The following CEP164 variants were observed in gnomAD, a reference collection of about 807,000 sequenced individuals.
The protein encoded by CEP164 is centrosomal protein 164.
In CEP164, 162 loss-of-function variants were observed where a neutral mutation model predicts 182.7. The ratio of observed to expected loss-of-function variants is 0.89; its 90% CI spans 0.78 to 1.01. CEP164 has a LOEUF of 1.01. Ranked by LOEUF, CEP164 falls within the 50% of genes least tolerant of loss-of-function variation. The pLI is 0.00. For synonymous variants in CEP164, 661 were observed against 690.0 expected, an observed-to-expected ratio of 0.96 and a Z score of 0.66; for missense variants, 1,735 against 1,790.4, an observed-to-expected ratio of 0.97 and a Z score of 0.56.
Position 117,356,363 on chromosome 11 carries a change from GCTGAGTCTT to G in CEP164, c.393+4378_393+4386del, listed in dbSNP as rs144720852. ...CGCCAGCACAGTCTGTTGCATGGCAGCTGAGTCTTCTAGGATGTCTAGTGAGGGTGAGCA... is the reference window on the plus strand; with the variant it reads ...CGCCAGCACAGTCTGTTGCATGGCAGCTAGGATGTCTAGTGAGGGTGAGCA... On this transcript the variant is annotated intron_variant, in intron 5 of 32. Transcript: ENST00000278935. 714 of 1,170,236 alleles carry G rather than the reference GCTGAGTCTT, an allele frequency of 6.1e-4. 7 individuals are homozygous for G. In the African/African-American group the frequency reaches 0.011, roughly 18 times the overall value. 72.5% of individuals were successfully genotyped at this position (1,170,236 alleles called of 1,614,324 possible).
chr11:117,411,096 C>A lies in CEP164; in HGVS notation c.4163+202C>A. 1.8e-6 allele frequency: 1 copy of A among 561,702 alleles called. No individual in the cohort carries two copies. The highest frequency in any genetic ancestry group is 2.1e-5 in the South Asian group (1 of 47,130). The allele number at this position is 561,702 out of a possible 1,614,324, so 34.8% of individuals were successfully genotyped here. ...TGACCAGGGGAAAGTCAAGTTCACA[C>A]CGCCAAGGTCCCAGTGGGGAAGGGC... On this transcript the variant is annotated intron_variant, in intron 31 of 32. Coordinates refer to ENST00000278935, the MANE Select transcript of CEP164 (RefSeq NM_014956.5). This position sits in a 1 kb window ranked among gnomAD's most constrained non-coding sequence, Gnocchi z 4.4.
chr11:117,356,893 A>G (rs989024581), intron 5 of CEP164, among the ~76,000 whole-genome samples: 6 of 152,142 alleles, frequency 3.9e-5, no homozygotes, highest in African/African-American at 1.2e-4. Context: ...TGCTTTGAAC[A>G]TGATCAGTTT....
chr11:117,363,822 A>G (rs1592173909), intron 8 of CEP164: 1 of 170,460 alleles, frequency 5.9e-6, no homozygotes, highest in Non-Finnish European at 1.1e-5. Flanking sequence ...CCCAGCTTGG[A>G]GTACAGTGGT....
chr11:117,404,099 T>C (rs1234597290), intron 27 of CEP164, among the ~76,000 whole-genome samples: 1 of 152,126 alleles, frequency 6.6e-6, no homozygotes, highest in Non-Finnish European at 1.5e-5. Flanking sequence ...GGTTAGAACA[T>C]GCACCTTTAG....
intron 3 of CEP164, among the ~76,000 whole-genome samples, chr11:117,339,631 C>A (rs143166127): frequency 7.1e-6 from 1 of 141,270 alleles, no homozygotes; most frequent in African/African-American, 2.6e-5. Flanking sequence ...CGGGTTCAAG[C>A]GAATCTCATG....
At chr11:117,355,102 G>A (rs781359674) in intron 5 of CEP164, 3 of 1,289,800 alleles carry the variant, frequency 2.3e-6, no homozygotes, top group Middle Eastern at 2.1e-4. Context: ...ACACTCCCTG[G>A]CGTTTCATGG....
intron 14 of CEP164, chr11:117,384,909 T>TTCG (rs1357192081): frequency 2.0e-5 from 3 of 152,374 alleles, no homozygotes; most frequent in African/African-American, 2.4e-5. Context: ...GGAGGCAACA[T>TTCG]GTGCCACTCA....
chr11:117,411,907 G>T lies in CEP164; in HGVS notation c.4276G>T (p.Asp1426Tyr). 1.2e-6 allele frequency: 2 copies of T among 1,614,104 alleles called. No homozygotes were observed. Among genetic ancestry groups the T allele is most frequent in the South Asian group, 2.2e-5 (2 of 91,022 alleles). ...NRRWLERVKN[D>Y]PRLPLFSSTP... ...GAGGTGGCTGGAACGTGTCAAGAAT[G>T]ACCCCAGGTTGTATCCTTTTACCTG... is the stretch of plus-strand genomic sequence containing the variant. The change falls in exon 32 of 33, where the codon GAC becomes TAC. Residue 1426 changes from aspartate to tyrosine, a missense_variant. By Grantham distance (160) the Asp-to-Tyr change is radical (BLOSUM62 -3). Transcript: ENST00000278935. This position sits in a 1 kb window ranked among gnomAD's most constrained non-coding sequence, Gnocchi z 4.4.
At chr11:117,352,439 A>G (rs1007771948) in intron 5 of CEP164, among the ~76,000 whole-genome samples, 9 of 152,080 alleles carry the variant, frequency 5.9e-5, no homozygotes, top group African/African-American at 9.7e-5. Context: ...GAATTCCTAG[A>G]TGTCAGATGT....
At chr11:117,333,746 C>T (rs1331199734) in intron 1 of CEP164, among the ~76,000 whole-genome samples, 3 of 151,786 alleles carry the variant, frequency 2.0e-5, no homozygotes, top group Non-Finnish European at 2.9e-5. Flanking sequence ...ATGTTGCTCA[C>T]GGTGGTCTTG....
Position 117,391,029 on chromosome 11 carries a change from G to A in CEP164, c.2097G>A (p.Leu699=). The A allele has an allele frequency of 6.2e-7, 1 of 1,614,138 alleles. No individual in the cohort carries two copies. The highest frequency in any genetic ancestry group is 8.5e-7 in the Non-Finnish European group (1 of 1,180,040). Reference sequence around the variant, plus strand: ...AGCAAGAGGCTTCCCTGCAGAAACTGAGAGAAGAGTTGGAGTCTCAACAGA... The same window carrying A: ...AGCAAGAGGCTTCCCTGCAGAAACTAAGAGAAGAGTTGGAGTCTCAACAGA... ...RAEQEASLQK[L]REELESQQKA... Residue 699 remains leucine, a synonymous_variant, in exon 17 of 33, where the codon CTG becomes CTA. Coordinates refer to ENST00000278935, the MANE Select transcript of CEP164 (RefSeq NM_014956.5).
intron 27 of CEP164, among the ~76,000 whole-genome samples, chr11:117,400,722 C>T (rs1457589019): frequency 2.6e-5 from 4 of 152,086 alleles, no homozygotes; most frequent in African/African-American, 9.7e-5. Context: ...AGTTGGATTC[C>T]TAGGTATTTT....
chr11:117,373,908 T>C, intron 10 of CEP164, 77 bp downstream of exon 10: 1 of 1,277,290 alleles, frequency 7.8e-7, no homozygotes, highest in Non-Finnish European at 1.1e-6. Context: ...GTAATTTGCC[T>C]AGCATCACGC....
chr11:117,362,330 G>C (rs1027110829), intron 6 of CEP164, 74 bp from the exon 7 acceptor site: 104 of 1,488,924 alleles, frequency 7.0e-5, no homozygotes, highest in Non-Finnish European at 8.8e-5. Flanking sequence ...CATAGAGAGT[G>C]GGGAGGAGCA....
At position 117,394,390 on chromosome 11, in the gene CEP164, G is replaced by A. The variant is rs2045138677; in HGVS notation, c.2657G>A (p.Gly886Glu). Residue 886 changes from glycine to glutamate, a missense_variant, in exon 21 of 33, where the codon GGA (glycine) becomes GAA (glutamate). By Grantham distance (98) the Gly-to-Glu change is moderately conservative (BLOSUM62 -2). Coordinates refer to ENST00000278935, the MANE Select transcript of CEP164 (RefSeq NM_014956.5). This position sits in a 1 kb window ranked among gnomAD's most constrained non-coding sequence, Gnocchi z 4.0. Reference protein sequence around the residue: ...QRAELLGHLTGELERLQRAHE... With the variant: ...QRAELLGHLTEELERLQRAHE... ...GCTGAGCTTCTGGGGCACCTGACCG[G>A]AGAGCTGGAGCGCCTGCAGAGGGCC... The A allele has an allele frequency of 6.2e-6, 10 of 1,611,302 alleles. No homozygotes were observed. The highest frequency in any genetic ancestry group is 8.5e-6 in the Non-Finnish European group (10 of 1,178,962).
intron 13 of CEP164, 115 bp downstream of exon 13, chr11:117,381,983 G>A (rs1261699320): frequency 3.5e-6 from 3 of 852,190 alleles, no homozygotes; most frequent in Non-Finnish European, 5.1e-6. Context: ...TGGGGAGGGA[G>A]TGGGGAGCTG....
chr11:117,384,444 G>A (rs973875669), intron 14 of CEP164, among the ~76,000 whole-genome samples: 2 of 152,202 alleles, frequency 1.3e-5, no homozygotes, highest in African/African-American at 4.8e-5. Flanking sequence ...GATGCTTTCT[G>A]TGAGGACAGG....
rs551625670 is a variant in CEP164 at position 117,383,975 on chromosome 11, G to A, written c.1724+1033G>A. Among the ~76,000 whole-genome samples the A allele has an allele frequency of 1.2e-4, 18 of 152,328 alleles. No homozygotes were observed. In the South Asian group the frequency reaches 3.1e-3, roughly 26 times the overall value. ...TGCTTGAACCTGGGAGGTGGAGGTT[G>A]CAGTGAGCCGAGATCGTGCCACTGT... On this transcript the variant is annotated intron_variant, in intron 14 of 32. Coordinates refer to ENST00000278935, the MANE Select transcript of CEP164 (RefSeq NM_014956.5).
chr11:117,336,431 A>AC, intron 2 of CEP164: 1 of 1,389,548 alleles, frequency 7.2e-7, no homozygotes, highest in Non-Finnish European at 1.0e-6. Context: ...CATCCTGGAT[A>AC]CCCTGGCTGT....
Sources: gnomAD v4.1 joint callset for allele counts (sites outside exome capture counted in the v4.1 genomes callset) on GRCh38, gnomAD v4.1.1 for gene constraint, Gnocchi (gnomAD v3.1) non-coding constraint, MANE v1.5 for transcripts, NCBI Gene and HGNC (gene_info 2026-07-23, HGNC 2026-07-21) for gene names.